PYROXD1: variants seen among roughly 807,000 people sequenced by gnomAD.
The protein encoded by PYROXD1 is pyridine nucleotide-disulphide oxidoreductase domain 1.
A neutral mutation model predicts 62.0 loss-of-function variants in PYROXD1; 42 were observed. That is an observed-to-expected ratio of 0.68 (90% CI 0.53 to 0.88). The LOEUF (loss-of-function observed/expected upper bound fraction) is 0.88, where lower values mean the gene tolerates loss of function less well. PYROXD1 is among the 40% of genes least tolerant of loss of function. PYROXD1 has a pLI of 0.00. For synonymous variants in PYROXD1, 170 were observed against 206.4 expected, an observed-to-expected ratio of 0.82 and a Z score of 1.51; for missense variants, 493 against 604.8, an observed-to-expected ratio of 0.82 and a Z score of 1.94.
intron 2 of PYROXD1, among the ~76,000 whole-genome samples, chr12:21,441,533 C>A (rs1418475040): frequency 6.6e-6 from 1 of 152,030 alleles, no homozygotes; most frequent in Non-Finnish European, 1.5e-5. Flanking sequence ...CAGATGTTTT[C>A]TTCTGTGTGA....
At chr12:21,467,007 A>G (rs1235495554) in intron 10 of PYROXD1, among the ~76,000 whole-genome samples, 5 of 152,154 alleles carry the variant, frequency 3.3e-5, no homozygotes, top group Admixed American at 3.3e-4. Flanking sequence ...AGTTGCTGAG[A>G]TATTTATGTT....
intron 3 of PYROXD1, chr12:21,448,150 C>G (rs2137253996): frequency 1.5e-6 from 1 of 674,336 alleles, no homozygotes; most frequent in South Asian, 1.5e-5. Context: ...TCATGGCCAT[C>G]AGATGATATC....
intron 7 of PYROXD1, among the ~76,000 whole-genome samples, chr12:21,460,396 TTTTA>T (rs1156370174): frequency 2.4e-4 from 36 of 150,710 alleles, no homozygotes; most frequent in African/African-American, 6.8e-4. Flanking sequence ...TTTTTTAAAT[TTTTA>T]TTTATTTATT....
At chr12:21,446,454 A>G (rs1438604505) in intron 3 of PYROXD1, among the ~76,000 whole-genome samples, 1 of 151,840 alleles carries the variant, frequency 6.6e-6, no homozygotes, top group African/African-American at 2.4e-5. Flanking sequence ...AGTTTGTTTT[A>G]TATTTGGGAG....
chr12:21,441,726 A>T (rs1383089538), intron 2 of PYROXD1, among the ~76,000 whole-genome samples: 1 of 134,204 alleles, frequency 7.5e-6, no homozygotes, highest in Non-Finnish European at 1.6e-5. Context: ...GCTTCTTTAA[A>T]CAATTATTTT....
chr12:21,470,878 A>G lies in PYROXD1; in HGVS notation c.*2124A>G, dbSNP rs959754775. ...AGAAAACTGACTTTTCTCATGTTCA[A>G]CTGGACCTAGGGGAATATGACAGAA... On this transcript the variant is annotated 3_prime_UTR_variant, in exon 12 of 12. Transcript: ENST00000240651. The G allele has an allele frequency of 3.3e-6, 3 of 917,878 alleles. No individual in the cohort carries two copies. Among genetic ancestry groups the G allele is most frequent in the Non-Finnish European group, 4.4e-6 (3 of 681,874 alleles). The allele number at this position is 917,878 out of a possible 1,614,324, so 56.9% of individuals were successfully genotyped here. A position where few individuals can be genotyped will look rare whatever the true frequency, so the allele number is the denominator to read the frequency against.
At position 21,437,992 on chromosome 12, in the gene PYROXD1, C is replaced by T. The variant is rs554400781; in HGVS notation, c.84+178C>T. 14 of 621,274 alleles carry T rather than the reference C, an allele frequency of 2.3e-5. No individual in the cohort carries two copies. The African/African-American group carries it at 2.6e-4, about 11-fold the overall frequency. The allele number at this position is 621,274 out of a possible 1,614,324, so 38.5% of individuals were successfully genotyped here. ...GCTTGGTGGTCCTCAGATGACCTCA[C>T]TAGCTTTCTCTTAGGCGCAGGGAGG... is the stretch of plus-strand genomic sequence containing the variant. On this transcript the variant is annotated intron_variant, in intron 1 of 11. Transcript: ENST00000240651.
At chr12:21,463,496 GC>G (rs1814457700) in intron 10 of PYROXD1, among the ~76,000 whole-genome samples, 1 of 152,024 alleles carries the variant, frequency 6.6e-6, no homozygotes, top group Non-Finnish European at 1.5e-5. Context: ...TTTGAGACCA[GC>G]CTGAACAACA....
chr12:21,452,792 G>C (rs1942524717), intron 5 of PYROXD1, among the ~76,000 whole-genome samples: 1 of 152,082 alleles, frequency 6.6e-6, no homozygotes, highest in Admixed American at 6.6e-5. Context: ...ACATGAAATA[G>C]TCTGGATCTT....
In PYROXD1 at chr12:21,468,982, A is replaced by T; in HGVS notation, c.*228A>T. The T allele has an allele frequency of 2.6e-6, 1 of 383,942 alleles. No individual in the cohort carries two copies. Among genetic ancestry groups the T allele is most frequent in the South Asian group, 3.2e-5 (1 of 31,082 alleles). 23.8% of individuals were successfully genotyped at this position (383,942 alleles called of 1,614,324 possible). A position where few individuals can be genotyped will look rare whatever the true frequency, so the allele number is the denominator to read the frequency against. ...TACAACACTGACCGCTTAGATAAAA[A>T]TCTTAAGTTATTTATTTCTGTGTTT... On this transcript the variant is annotated 3_prime_UTR_variant, in exon 12 of 12. Transcript: ENST00000240651.
At chr12:21,443,407 T>C (rs746315504) in intron 2 of PYROXD1, among the ~76,000 whole-genome samples, 9 of 152,166 alleles carry the variant, frequency 5.9e-5, no homozygotes, top group Admixed American at 3.9e-4. Context: ...TTTATACTTA[T>C]AGATAATTAG....
At chr12:21,449,456 A>G (rs1942451105) in intron 3 of PYROXD1, 107 bp from the exon 4 acceptor site, 1 of 1,040,078 alleles carries the variant, frequency 9.6e-7, no homozygotes, top group South Asian at 1.7e-5. Context: ...GGCAACCTTA[A>G]TATATTATGT....
At chr12:21,453,998 A>G (rs890563371) in intron 5 of PYROXD1, among the ~76,000 whole-genome samples, 1 of 150,784 alleles carries the variant, frequency 6.6e-6, no homozygotes, top group East Asian at 2.0e-4. Flanking sequence ...CATAAAATAG[A>G]ATGTTCACCC....
At chr12:21,465,239 C>T (rs544129050) in intron 10 of PYROXD1, among the ~76,000 whole-genome samples, 13 of 152,308 alleles carry the variant, frequency 8.5e-5, no homozygotes, top group African/African-American at 2.9e-4. Context: ...CCTGAGGAAT[C>T]GCCACACCAA....
intron 11 of PYROXD1, 97 bp from the exon 12 acceptor site, chr12:21,468,409 A>G (rs556520563): frequency 1.7e-6 from 2 of 1,155,128 alleles, no homozygotes; most frequent in South Asian, 1.5e-5. Context: ...TTTGTGGCAT[A>G]AGTTTTCTGC....
chr12:21,445,365 G>T lies in PYROXD1; in HGVS notation c.184G>T (p.Glu62Ter). ...TATACAGATTTCTAAAATATTGGAA[G>T]AATTCGATGTTGAAGAACAATCAAG... The part of the protein sequence containing the change: ...NFKQISKILE[E>*]FDVEEQSSTM... The change falls in exon 3 of 12, where the codon GAA (glutamate) becomes TAA (stop). Residue 62 changes from glutamate (E) to a stop codon, truncating the protein, a stop_gained. Transcript: ENST00000240651. LOFTEE classifies it high-confidence loss of function. 2 of 1,597,422 alleles carry T rather than the reference G, an allele frequency of 1.3e-6. No homozygotes were observed. The highest frequency in any genetic ancestry group is 1.7e-6 in the Non-Finnish European group (2 of 1,175,262).
rs756178394 is a variant in PYROXD1, at chr12:21,470,238, A to C, written c.*1484A>C. On this transcript the variant is annotated 3_prime_UTR_variant, in exon 12 of 12. Coordinates refer to ENST00000240651, the MANE Select transcript of PYROXD1 (RefSeq NM_024854.5). ...CTTTTCTTAGCTCCTGTATTCTTAGAACCAGATTGCTGAAGCATGTTTGCA... is the reference window on the plus strand; with the variant it reads ...CTTTTCTTAGCTCCTGTATTCTTAGCACCAGATTGCTGAAGCATGTTTGCA... The C allele has an allele frequency of 3.2e-5, 52 of 1,609,844 alleles. No individual in the cohort carries two copies. The highest frequency in any genetic ancestry group is 4.2e-5 in the Non-Finnish European group (50 of 1,178,360).
At chr12:21,451,369 C>T (rs1460919963) in intron 4 of PYROXD1, among the ~76,000 whole-genome samples, 1 of 151,788 alleles carries the variant, frequency 6.6e-6, no homozygotes, top group Non-Finnish European at 1.5e-5. Flanking sequence ...TTACCACTGG[C>T]TTCTCTAAGC....
chr12:21,462,493 G>A (rs760486025), intron 9 of PYROXD1, among the ~76,000 whole-genome samples: 1 of 151,750 alleles, frequency 6.6e-6, no homozygotes, highest in Admixed American at 6.6e-5. Flanking sequence ...TGTAGTTATG[G>A]ATAAGGTAGT....
Sources: allele counts gnomAD v4.1 joint callset (sites outside exome capture counted in the v4.1 genomes callset), GRCh38; gene constraint gnomAD v4.1.1; transcripts MANE v1.5; gene names NCBI Gene and HGNC (gene_info 2026-07-23, HGNC 2026-07-21).